Variants in PCDH15 observed in about 807,000 individuals in gnomAD.
The protein encoded by PCDH15 is protocadherin-15.
PCDH15 carries 129 observed loss-of-function variants against 178.5 expected under a neutral mutation model. That is an observed-to-expected ratio of 0.72 (90% confidence interval 0.63 to 0.84). PCDH15 has a LOEUF of 0.84. Among genes scored for constraint, PCDH15 ranks in the 40% least tolerant of loss-of-function variants. PCDH15 has a pLI of 0.00. For synonymous variants in PCDH15, 800 were observed against 732.0 expected, an observed-to-expected ratio of 1.09 and a Z score of -1.50; for missense variants, 2,230 against 2,099.9, an observed-to-expected ratio of 1.06 and a Z score of -1.21.
chr10:54,166,897 A>G (rs1377163242), intron 13 of PCDH15, among the ~76,000 whole-genome samples: 1 of 152,170 alleles, frequency 6.6e-6, no homozygotes, highest in Non-Finnish European at 1.5e-5. Flanking sequence ...TCCTGGCTCA[A>G]AAAGCACCTC....
At chr10:54,154,679 A>G (rs543038324) in intron 13 of PCDH15, among the ~76,000 whole-genome samples, 2 of 152,302 alleles carry the variant, frequency 1.3e-5, no homozygotes, top group African/African-American at 4.8e-5. Flanking sequence ...ATTTTTTATT[A>G]TATGTCATGC....
At chr10:54,105,799 G>A (rs554254221) in intron 15 of PCDH15, among the ~76,000 whole-genome samples, 1 of 152,150 alleles carries the variant, frequency 6.6e-6, no homozygotes, top group East Asian at 1.9e-4. Context: ...TTCTGCTCAA[G>A]AGAAATGAAA....
At chr10:55,596,017 A>T (rs1316521391) in intron 2 of PCDH15, among the ~76,000 whole-genome samples, 1 of 152,026 alleles carries the variant, frequency 6.6e-6, no homozygotes, top group Non-Finnish European at 1.5e-5. Flanking sequence ...CTAGAGATGG[A>T]GTCTTAAGTA....
chr10:55,341,986 T>C (rs1307019100), intron 2 of PCDH15, among the ~76,000 whole-genome samples: 1 of 149,886 alleles, frequency 6.7e-6, no homozygotes, highest in African/African-American at 2.4e-5. Flanking sequence ...GGATTATCAA[T>C]TAGATTTGAA....
At chr10:53,971,606 A>C (rs10733924) in intron 21 of PCDH15, among the ~76,000 whole-genome samples, 189 of 152,086 alleles carry the variant, frequency 1.2e-3, no homozygotes, top group African/African-American at 4.3e-3. Context: ...GATACAAAAT[A>C]AATGTGCAAA....
At chr10:55,348,533 A>G (rs550995015) in intron 2 of PCDH15, among the ~76,000 whole-genome samples, 3 of 152,280 alleles carry the variant, frequency 2.0e-5, no homozygotes, top group Admixed American at 6.5e-5. Context: ...AGGGAAGTAA[A>G]TAAGTAAACA....
At chr10:55,497,848 G>T (rs1840570020) in intron 2 of PCDH15, among the ~76,000 whole-genome samples, 1 of 151,762 alleles carries the variant, frequency 6.6e-6, no homozygotes, top group Non-Finnish European at 1.5e-5. Context: ...TCTACACATA[G>T]ATAAATGTAA....
chr10:53,906,452 T>A (rs532674670), intron 25 of PCDH15, among the ~76,000 whole-genome samples: 1 of 152,302 alleles, frequency 6.6e-6, no homozygotes, highest in East Asian at 1.9e-4. Flanking sequence ...ATCTCCTACA[T>A]CTATCAGTAC....
Position 53,961,790 on chromosome 10 carries a change from G to T in PCDH15, c.2971C>A (p.Arg991=), listed in dbSNP as rs754391973. ...GTAGGTTCTTCATTAAGATTGACTCGTGTTATTACTCTTCCAGAATCTTCT... is the reference window on the plus strand; with the variant it reads ...GTAGGTTCTTCATTAAGATTGACTCTTGTTATTACTCTTCCAGAATCTTCT... ...VEEDSGRVIT[R]VNLNEEPTTI... The change falls in exon 22 of 38, where the codon CGA becomes AGA. Residue 991 remains arginine, a synonymous_variant. Coordinates refer to ENST00000644397, the MANE Select transcript of PCDH15 (RefSeq NM_001384140.1). 6.2e-7 allele frequency: 1 copy of T among 1,610,818 alleles called. No individual in the cohort carries two copies. Among genetic ancestry groups the T allele is most frequent in the Non-Finnish European group, 8.5e-7 (1 of 1,177,944 alleles).
At chr10:55,568,924 C>G (rs1014687997) in intron 2 of PCDH15, among the ~76,000 whole-genome samples, 2 of 151,984 alleles carry the variant, frequency 1.3e-5, no homozygotes, top group East Asian at 3.9e-4. Context: ...TTGAGCAAGG[C>G]AGCTGTGTGA....
Position 55,582,622 on chromosome 10 carries a change from A to AT in PCDH15, c.-156+45002dup, listed in dbSNP as rs1266708993. On this transcript the variant is annotated intron_variant, in intron 2 of 5. Transcript: ENST00000613346. Reference sequence around the variant, plus strand: ...TATATATATATATATATATATATATATATATATTTTTTTTTTTTTGCTATA... The same window carrying AT: ...TATATATATATATATATATATATATATTATATATTTTTTTTTTTTTGCTATA... Among the ~76,000 whole-genome samples, 532 of 74,132 alleles carry AT rather than the reference A, an allele frequency of 7.2e-3. 8 individuals are homozygous for AT. The highest frequency in any genetic ancestry group is 0.033 in the Admixed American group (215 of 6,556). 48.6% of individuals were successfully genotyped at this position (74,132 alleles called of 152,430 possible). A position where few individuals can be genotyped will look rare whatever the true frequency, so the allele number is the denominator to read the frequency against.
intron 37 of PCDH15, chr10:53,808,342 A>T: frequency 3.7e-6 from 2 of 545,320 alleles, no homozygotes; most frequent in Non-Finnish European, 4.7e-6. Flanking sequence ...ATATATATAT[A>T]TATATATATA....
At chr10:55,105,711 T>C (rs1450807694) in intron 2 of PCDH15, among the ~76,000 whole-genome samples, 1 of 152,160 alleles carries the variant, frequency 6.6e-6, no homozygotes, top group Non-Finnish European at 1.5e-5. Context: ...TTGCTTTATT[T>C]ACTAAGGCTC....
chr10:55,493,730 C>T (rs1840472461), intron 2 of PCDH15, among the ~76,000 whole-genome samples: 1 of 151,826 alleles, frequency 6.6e-6, no homozygotes, highest in Non-Finnish European at 1.5e-5. Flanking sequence ...AACTGGCTGG[C>T]AGCTGACCTG....
At chr10:54,588,016 G>T (rs575630346) in intron 2 of PCDH15, among the ~76,000 whole-genome samples, 2 of 152,142 alleles carry the variant, frequency 1.3e-5, no homozygotes, top group East Asian at 3.9e-4. Flanking sequence ...AGAAATTAAA[G>T]GTTATGGAAT....
chr10:54,484,447 C>G (rs1407071454), intron 3 of PCDH15, among the ~76,000 whole-genome samples: 1 of 151,876 alleles, frequency 6.6e-6, no homozygotes, highest in Non-Finnish European at 1.5e-5. Flanking sequence ...CAGCTACAAC[C>G]TCTTCAAATA....
chr10:55,553,136 A>G (rs959681644), intron 2 of PCDH15, among the ~76,000 whole-genome samples: 3 of 151,524 alleles, frequency 2.0e-5, no homozygotes, highest in South Asian at 2.1e-4. Context: ...ATAATCATTG[A>G]CCACAGAATA....
chr10:54,545,872 G>A (rs973144883), intron 2 of PCDH15, among the ~76,000 whole-genome samples: 1 of 152,148 alleles, frequency 6.6e-6, no homozygotes, highest in Non-Finnish European at 1.5e-5. Context: ...ACTTAAAACT[G>A]CACTTGCCAG....
chr10:55,175,266 A>G (rs1338681884), intron 1 of PCDH15, among the ~76,000 whole-genome samples: 5 of 152,186 alleles, frequency 3.3e-5, no homozygotes, highest in Non-Finnish European at 7.4e-5. Flanking sequence ...TGAAAATTCC[A>G]CTGCCATCCT....
Sources: allele counts gnomAD v4.1 joint callset (sites outside exome capture counted in the v4.1 genomes callset), GRCh38; gene constraint gnomAD v4.1.1; transcripts MANE v1.5; gene names NCBI Gene and HGNC (gene_info 2026-07-23, HGNC 2026-07-21).